The following AFG3L2 variants were observed in gnomAD, a reference collection of about 807,000 sequenced individuals.
The protein encoded by AFG3L2 is AFG3 like matrix AAA peptidase subunit 2, also known as mitochondrial inner membrane m-AAA protease component AFG3L2.
AFG3L2 carries 54 observed loss-of-function variants against 94.5 expected under a neutral mutation model. That is an observed-to-expected ratio of 0.57 (90% CI 0.46 to 0.72). The LOEUF (loss-of-function observed/expected upper bound fraction) is 0.72, where lower values mean the gene tolerates loss of function less well. Ranked by LOEUF, AFG3L2 falls within the 30% of genes least tolerant of loss-of-function variation. AFG3L2 has a pLI of 0.00. For synonymous variants in AFG3L2, 377 were observed against 365.5 expected (o/e 1.03, Z -0.36); for missense variants, 754 against 994.9 (o/e 0.76, Z 3.26).
intron 1 of AFG3L2, among the ~76,000 whole-genome samples, chr18:12,375,834 C>G (rs539429623): frequency 6.6e-6 from 1 of 151,692 alleles, no homozygotes; most frequent in South Asian, 2.1e-4. Context: ...CCTGGCCTCT[C>G]CAGAAACTTT....
In AFG3L2 at chr18:12,356,745, G is replaced by A. The variant is rs748208667; in HGVS notation, c.1113C>T (p.Thr371=). Reference sequence around the variant, plus strand: ...TCTCCAAAAACTCAGATCCACTAACGGTGATGAAGGGGACATTGGCTTCTC... The same window carrying A: ...TCTCCAAAAACTCAGATCCACTAACAGTGATGAAGGGGACATTGGCTTCTC... ...TAGEANVPFI[T]VSGSEFLEMF... The change falls in exon 9 of 17, where the codon ACC becomes ACT. Residue 371 remains threonine, a synonymous_variant. Coordinates refer to ENST00000269143, the MANE Select transcript of AFG3L2 (RefSeq NM_006796.3). The A allele has an allele frequency of 1.3e-5, 21 of 1,614,108 alleles. 1 individual carries two copies. Among genetic ancestry groups the A allele is most frequent in the South Asian group, 8.8e-5 (8 of 91,090 alleles).
At chr18:12,337,134 G>A (rs567092806) in intron 16 of AFG3L2, 16 of 622,750 alleles carry the variant, frequency 2.6e-5, no homozygotes, top group Middle Eastern at 4.3e-4. Flanking sequence ...AGAGCCACAG[G>A]AGCCGGGACA....
chr18:12,349,932 G>T (rs1490376115), intron 12 of AFG3L2, among the ~76,000 whole-genome samples: 1 of 147,832 alleles, frequency 6.8e-6, no homozygotes. Flanking sequence ...AAAGTGCTGG[G>T]ATTACAGGTG....
chr18:12,344,520 C>CAA (rs1380986899), intron 13 of AFG3L2, among the ~76,000 whole-genome samples: 5 of 151,788 alleles, frequency 3.3e-5, no homozygotes, highest in Admixed American at 2.0e-4. Context: ...ACTAAAAATA[C>CAA]AAAATTAGCC....
At chr18:12,360,235 T>G (rs994636568) in intron 6 of AFG3L2, 184 bp from the exon 7 acceptor site, 25 of 594,120 alleles carry the variant, frequency 4.2e-5, no homozygotes, top group Admixed American at 1.9e-4. Context: ...TGAGAACACT[T>G]GGCAATTCTT....
In AFG3L2 at chr18:12,336,728, T is replaced by G. The variant is rs146199721; in HGVS notation, c.2175+613A>C. 4.9e-3 allele frequency among the ~76,000 whole-genome samples: 745 copies of G among 152,354 alleles called. 9 individuals are homozygous for G. The highest frequency in any genetic ancestry group is 0.017 in the African/African-American group (689 of 41,594). ...ATTACAGTATAGAATATTCAAAGTT[T>G]TTTTTAATTCTAATTTTTTTCACAT... On this transcript the variant is annotated intron_variant, in intron 16 of 16. Coordinates refer to ENST00000269143, the MANE Select transcript of AFG3L2 (RefSeq NM_006796.3).
At chr18:12,346,146 T>C (rs1908128021) in intron 13 of AFG3L2, among the ~76,000 whole-genome samples, 1 of 152,184 alleles carries the variant, frequency 6.6e-6, no homozygotes. Flanking sequence ...TACTGGCACA[T>C]CTTCCTCGCT....
At chr18:12,363,019 C>T (rs1908708059) in intron 6 of AFG3L2, among the ~76,000 whole-genome samples, 1 of 152,206 alleles carries the variant, frequency 6.6e-6, no homozygotes, top group Non-Finnish European at 1.5e-5. Flanking sequence ...AATTAAAATA[C>T]CTTCCCAAAC....
At chr18:12,338,970 C>T (rs1050469508) in intron 15 of AFG3L2, among the ~76,000 whole-genome samples, 4 of 152,034 alleles carry the variant, frequency 2.6e-5, no homozygotes, top group African/African-American at 4.8e-5. Context: ...AAAGGTTTCT[C>T]GGGGCCGGGC....
In AFG3L2 at chr18:12,354,799, C is replaced by T. The variant is rs559263091; in HGVS notation, c.1165-1641G>A. On this transcript the variant is annotated intron_variant, in intron 9 of 16. Transcript: ENST00000269143. ...CCCACCACCCCCCACAGCTCCTCTC[C>T]TGTCTTCAATTTCCCCCCATCCACT... Among the ~76,000 whole-genome samples, 237 of 151,732 alleles carry T rather than the reference C, an allele frequency of 1.6e-3. 2 individuals are homozygous for T. Among genetic ancestry groups the T allele is most frequent in the South Asian group, 8.2e-3 (39 of 4,780 alleles).
intron 15 of AFG3L2, among the ~76,000 whole-genome samples, chr18:12,338,785 G>A (rs1907835960): frequency 6.6e-6 from 1 of 152,094 alleles, no homozygotes; most frequent in African/African-American, 2.4e-5. Flanking sequence ...AATATTAAGA[G>A]GAAATCCGTA....
At chr18:12,375,713 T>C (rs899782080) in intron 1 of AFG3L2, among the ~76,000 whole-genome samples, 15 of 152,254 alleles carry the variant, frequency 9.9e-5, no homozygotes, top group African/African-American at 3.6e-4. Flanking sequence ...GCCCGGCTAA[T>C]TTTTTGTATT....
At chr18:12,356,966 G>A in intron 8 of AFG3L2, 135 bp from the exon 9 acceptor site, 1 of 869,028 alleles carries the variant, frequency 1.2e-6, no homozygotes, top group Non-Finnish European at 1.7e-6. Context: ...AAACATCTGA[G>A]CTATGGTAGA....
chr18:12,373,659 G>A (rs1408137230), intron 1 of AFG3L2, among the ~76,000 whole-genome samples: 1 of 152,160 alleles, frequency 6.6e-6, no homozygotes, highest in Non-Finnish European at 1.5e-5. Flanking sequence ...ATGAGAAACA[G>A]GGTGCTGGGC....
chr18:12,333,370 T>TCCC (rs746184381), intron 16 of AFG3L2, among the ~76,000 whole-genome samples: 6 of 132,608 alleles, frequency 4.5e-5, no homozygotes, highest in African/African-American at 1.7e-4. Flanking sequence ...ATATATTTTT[T>TCCC]CCCCCTGAAA....
chr18:12,369,900 CAA>C (rs200737390), intron 3 of AFG3L2, among the ~76,000 whole-genome samples: 62 of 141,462 alleles, frequency 4.4e-4, no homozygotes, highest in African/African-American at 1.3e-3. Flanking sequence ...ACTAAAAATA[CAA>C]AAAAAAAAAA....
chr18:12,345,555 G>A (rs905339701), intron 13 of AFG3L2, among the ~76,000 whole-genome samples: 1 of 152,192 alleles, frequency 6.6e-6, no homozygotes, highest in Admixed American at 6.5e-5. Flanking sequence ...GTCTGCCGAT[G>A]AACACTTCTG....
intron 9 of AFG3L2, among the ~76,000 whole-genome samples, chr18:12,355,276 A>G (rs892774745): frequency 6.6e-6 from 1 of 152,184 alleles, no homozygotes; most frequent in African/African-American, 2.4e-5. Context: ...TGAGCAAAGG[A>G]TCTGAATAGA....
At chr18:12,339,216 G>A (rs1907855457) in intron 15 of AFG3L2, among the ~76,000 whole-genome samples, 2 of 130,040 alleles carry the variant, frequency 1.5e-5, no homozygotes, top group East Asian at 2.3e-4. Flanking sequence ...ACTCCAGCCT[G>A]GGCGACCGAG....
Sources: allele counts gnomAD v4.1 joint callset (sites outside exome capture counted in the v4.1 genomes callset), GRCh38; gene constraint gnomAD v4.1.1; transcripts MANE v1.5; gene names NCBI Gene and HGNC (gene_info 2026-07-23, HGNC 2026-07-21).